The following SH3RF2 variants were observed in gnomAD, a reference collection of about 807,000 sequenced individuals.
SH3RF2 encodes SH3 domain containing ring finger 2, also known as E3 ubiquitin-protein ligase SH3RF2.
In SH3RF2, 43 loss-of-function variants were observed where a neutral mutation model predicts 59.0. That is an observed-to-expected ratio of 0.73 (90% CI 0.57 to 0.94). SH3RF2 has a LOEUF of 0.94. SH3RF2 is among the 40% of genes least tolerant of loss of function. The pLI is 0.00. For synonymous variants in SH3RF2, 391 were observed against 391.5 expected (o/e 1.00, Z 0.01); for missense variants, 930 against 940.1 (o/e 0.99, Z 0.14).
intron 4 of SH3RF2, among the ~76,000 whole-genome samples, chr5:146,008,356 G>A (rs1236700367): frequency 6.6e-6 from 1 of 152,172 alleles, no homozygotes; most frequent in Admixed American, 6.5e-5. Context: ...GTACTCACCT[G>A]GGGACAGAAC....
chr5:146,057,928 G>C lies in SH3RF2; in HGVS notation c.1555+1715G>C, dbSNP rs980614668. Among the ~76,000 whole-genome samples the C allele has an allele frequency of 3.0e-3, 400 of 133,232 alleles. 6 individuals are homozygous for C. The highest frequency in any genetic ancestry group is 8.8e-4 in the Non-Finnish European group (56 of 63,772). 87.4% of individuals were successfully genotyped at this position (133,232 alleles called of 152,430 possible). On this transcript the variant is annotated intron_variant, in intron 8 of 9. Coordinates refer to ENST00000359120, the MANE Select transcript of SH3RF2 (RefSeq NM_152550.4). ...CTGTACTCCAGTCTGGGCTGTTAGT[G>C]TCTCTCTCTCTCTCTCTCTCTCTCT...
Position 146,049,174 on chromosome 5 carries a change from G to T in SH3RF2, c.1251G>T (p.Trp417Cys). ...VRVLGKCQDG[W>C]LRGVSLVTGR... is the part of the protein sequence containing the mutation. ...TCCTGGGGAAGTGCCAGGACGGCTG[G>T]CTCAGGGGCGTCTCCTTGGTCACCG... Residue 417 changes from tryptophan (W) to cysteine (C), a missense_variant, in exon 7 of 10, where the codon TGG becomes TGT. Physicochemically the swap from Trp to Cys is radical, Grantham distance 215. Transcript: ENST00000359120. 1 of 1,614,122 alleles carries T rather than the reference G, an allele frequency of 6.2e-7. No homozygotes were observed. The highest frequency in any genetic ancestry group is 8.5e-7 in the Non-Finnish European group (1 of 1,180,030).
At chr5:146,045,856 C>G (rs1762282617) in intron 5 of SH3RF2, among the ~76,000 whole-genome samples, 1 of 152,238 alleles carries the variant, frequency 6.6e-6, no homozygotes, top group Non-Finnish European at 1.5e-5. Context: ...AACAGATTTA[C>G]TGGGTCATAT....
Position 146,062,488 on chromosome 5 carries a change from T to A in SH3RF2, c.1977T>A (p.His659Gln), listed in dbSNP as rs1168969145. Residue 659 changes from histidine (H) to glutamine (Q), a missense_variant, in exon 10 of 10, where the codon CAT (histidine) becomes CAA (glutamine). Physicochemically the swap from His to Gln is conservative, Grantham distance 24. Coordinates refer to ENST00000359120, the MANE Select transcript of SH3RF2 (RefSeq NM_152550.4). ...SPPPTKHYTSHPTSGKPEQPA... is the reference protein window; with the variant it reads ...SPPPTKHYTSQPTSGKPEQPA... The stretch of plus-strand genomic sequence containing the variant: ...CTCCCACCAAACATTACACCTCCCA[T>A]CCCACCTCCGGAAAGCCTGAACAGC... The A allele has an allele frequency of 1.2e-6, 2 of 1,613,958 alleles. No homozygotes were observed. Among genetic ancestry groups the A allele is most frequent in the Non-Finnish European group, 8.5e-7 (1 of 1,180,006 alleles).
chr5:146,039,698 C>T lies in SH3RF2; in HGVS notation c.1060-8074C>T, dbSNP rs150483883. Among the ~76,000 whole-genome samples, 12 of 152,226 alleles carry T rather than the reference C, an allele frequency of 7.9e-5. No individual in the cohort carries two copies. The East Asian group carries it at 2.3e-3, about 29-fold the overall frequency. Reference sequence around the variant, plus strand: ...ACATTGGGAAACAGTGTGTTATTGCCCAATAAAACTGAACAGGCTCATACC... The same window carrying T: ...ACATTGGGAAACAGTGTGTTATTGCTCAATAAAACTGAACAGGCTCATACC... On this transcript the variant is annotated intron_variant, in intron 5 of 9. Transcript: ENST00000359120.
chr5:146,025,001 A>T (rs547037745), intron 5 of SH3RF2, among the ~76,000 whole-genome samples: 8 of 152,326 alleles, frequency 5.3e-5, no homozygotes, highest in African/African-American at 1.9e-4. Context: ...ACATTATTTC[A>T]TTAGGGGTTG....
At chr5:146,039,570 A>C (rs913655712) in intron 5 of SH3RF2, among the ~76,000 whole-genome samples, 2 of 152,128 alleles carry the variant, frequency 1.3e-5, no homozygotes, top group Non-Finnish European at 2.9e-5. Flanking sequence ...ACACCCACCC[A>C]ATCAGCAGGT....
intron 4 of SH3RF2, among the ~76,000 whole-genome samples, chr5:146,011,782 T>C (rs964862687): frequency 6.6e-6 from 1 of 152,226 alleles, no homozygotes; most frequent in Non-Finnish European, 1.5e-5. Flanking sequence ...GATTTTGGGC[T>C]AAGACGATGG....
chr5:145,997,964 C>T, intron 2 of SH3RF2: 1 of 777,556 alleles, frequency 1.3e-6, no homozygotes, highest in South Asian at 1.3e-5. Context: ...TCATGGATCA[C>T]AGGTGGTCCC....
At chr5:145,996,976 G>T (rs745451893) in intron 2 of SH3RF2, among the ~76,000 whole-genome samples, 6 of 152,130 alleles carry the variant, frequency 3.9e-5, no homozygotes, top group African/African-American at 1.2e-4. Flanking sequence ...GGAAGTGCTC[G>T]GTAATTAGTT....
chr5:146,004,888 C>A (rs1170363549), intron 4 of SH3RF2, among the ~76,000 whole-genome samples: 5 of 152,018 alleles, frequency 3.3e-5, no homozygotes, highest in African/African-American at 1.2e-4. Flanking sequence ...CTGAACTGTA[C>A]ACTTAAAAGT....
At position 145,976,627 on chromosome 5, in the gene SH3RF2, G is replaced by A. The variant is rs138870131; in HGVS notation, c.379-23431G>A. On this transcript the variant is annotated intron_variant, in intron 2 of 9. Coordinates refer to ENST00000359120, the MANE Select transcript of SH3RF2 (RefSeq NM_152550.4). Reference sequence around the variant, plus strand: ...ACTAGAAAAGTCAAGAAAAACGGAAGGTATTAGTCATTGACTGATAGAATA... The same window carrying A: ...ACTAGAAAAGTCAAGAAAAACGGAAAGTATTAGTCATTGACTGATAGAATA... Among the ~76,000 whole-genome samples the A allele has an allele frequency of 4.1e-3, 619 of 152,252 alleles. 4 individuals carry two copies. Among genetic ancestry groups the A allele is most frequent in the African/African-American group, 0.014 (587 of 41,546 alleles).
chr5:145,994,450 G>A (rs1163327752), intron 2 of SH3RF2, among the ~76,000 whole-genome samples: 3 of 152,172 alleles, frequency 2.0e-5, no homozygotes, highest in African/African-American at 7.2e-5. Context: ...ACATGCCTGA[G>A]CCTGGGAAGA....
At chr5:146,001,481 G>T (rs776893097) in intron 3 of SH3RF2, among the ~76,000 whole-genome samples, 1 of 152,154 alleles carries the variant, frequency 6.6e-6, no homozygotes, top group Non-Finnish European at 1.5e-5. Flanking sequence ...ACCTCAGAGC[G>T]AGACTCCTAA....
chr5:146,063,855 G>A (rs1762981322), downstream of SH3RF2, among the ~76,000 whole-genome samples: 1 of 151,370 alleles, frequency 6.6e-6, no homozygotes, highest in African/African-American at 2.5e-5. Context: ...GTGAGATTCT[G>A]TCTAAAAAAA....
rs368721283 is a variant in SH3RF2, at chr5:146,012,975, C to CTT, written c.745-763_745-762dup. Among the ~76,000 whole-genome samples, 228 of 148,978 alleles carry CTT rather than the reference C, an allele frequency of 1.5e-3. 1 individual carries two copies. Among genetic ancestry groups the CTT allele is most frequent in the African/African-American group, 5.3e-3 (216 of 40,696 alleles). ...GATCTGTTTTCTTTCTTTCTTGTTA[C>CTT]TTTTTTTTTTGACAGCTGATTTACC... On this transcript the variant is annotated intron_variant, in intron 4 of 9. Coordinates refer to ENST00000359120, the MANE Select transcript of SH3RF2 (RefSeq NM_152550.4).
intron 2 of SH3RF2, among the ~76,000 whole-genome samples, chr5:145,966,607 C>T (rs1758866644): frequency 6.6e-6 from 1 of 152,188 alleles, no homozygotes; most frequent in African/African-American, 2.4e-5. Flanking sequence ...ATATCCAGCA[C>T]TGCACCAAAT....
At chr5:146,023,367 C>T (rs1348320192) in intron 5 of SH3RF2, among the ~76,000 whole-genome samples, 1 of 152,168 alleles carries the variant, frequency 6.6e-6, no homozygotes, top group Non-Finnish European at 1.5e-5. Flanking sequence ...CACCACCACA[C>T]CTGCCTAATT....
chr5:145,939,103 C>A (rs901850848), intron 2 of SH3RF2, among the ~76,000 whole-genome samples: 4 of 152,238 alleles, frequency 2.6e-5, no homozygotes, highest in Non-Finnish European at 4.4e-5. Flanking sequence ...TTTATCTGAC[C>A]TGGCTATGAA....
Sources: allele counts gnomAD v4.1 joint callset (sites outside exome capture counted in the v4.1 genomes callset), GRCh38; gene constraint gnomAD v4.1.1; transcripts MANE v1.5; gene names NCBI Gene and HGNC (gene_info 2026-07-23, HGNC 2026-07-21).